SCTR: variants seen among roughly 807,000 people sequenced by gnomAD.
The protein encoded by SCTR is secretin receptor.
SCTR carries 56 observed loss-of-function variants against 60.8 expected under a neutral mutation model. The observed-to-expected ratio is 0.92, with a 90% CI of 0.74 to 1.15. The LOEUF (loss-of-function observed/expected upper bound fraction) is 1.15. Ranked by LOEUF, SCTR falls within the 50% of genes most tolerant of loss-of-function variation. SCTR has a pLI of 0.00. For missense variants in SCTR, 562 were observed against 550.4 expected (o/e 1.02, Z -0.21); for synonymous variants, 202 against 217.0 (o/e 0.93, Z 0.61).
intron 2 of SCTR, among the ~76,000 whole-genome samples, chr2:119,485,608 G>A (rs918377822): frequency 2.0e-5 from 3 of 152,194 alleles, no homozygotes; most frequent in South Asian, 4.1e-4. Flanking sequence ...CCCGGCCCCC[G>A]GGGCCATGCT....
chr2:119,451,635 C>T lies in SCTR; in HGVS notation c.921+375G>A, dbSNP rs532270200. Among the ~76,000 whole-genome samples the T allele has an allele frequency of 3.0e-4, 45 of 152,314 alleles. 1 individual carries two copies. The highest frequency in any genetic ancestry group is 1.1e-3 in the African/African-American group (44 of 41,576). ...CAGTGATCTCAGCTTAGCGACTCAT[C>T]CCAAGTTAACAAGCAAATCCCTAGA... On this transcript the variant is annotated intron_variant, in intron 9 of 12. Coordinates refer to ENST00000019103, the MANE Select transcript of SCTR (RefSeq NM_002980.3).
chr2:119,479,242 A>T, intron 2 of SCTR: 1 of 1,071,070 alleles, frequency 9.3e-7, no homozygotes, highest in East Asian at 6.8e-5. Context: ...CAGATGGCAC[A>T]TCTGTTGGCC....
intron 2 of SCTR, among the ~76,000 whole-genome samples, chr2:119,493,514 A>G (rs1451453355): frequency 6.6e-6 from 1 of 152,256 alleles, no homozygotes; most frequent in East Asian, 1.9e-4. Flanking sequence ...CTTAGTGCTT[A>G]AAGTGTTGAT....
intron 2 of SCTR, chr2:119,479,857 G>A (rs992388233): frequency 3.9e-5 from 6 of 152,282 alleles, no homozygotes; most frequent in East Asian, 1.9e-4. Context: ...AGCCAGATGC[G>A]TGGCCCACTT....
chr2:119,477,192 A>G (rs1677364547), intron 3 of SCTR, among the ~76,000 whole-genome samples: 1 of 152,204 alleles, frequency 6.6e-6, no homozygotes, highest in Admixed American at 6.5e-5. Flanking sequence ...ACATTTCCCC[A>G]GGTCCCTTGC....
At chr2:119,470,048 G>A (rs766379071) in intron 4 of SCTR, among the ~76,000 whole-genome samples, 1 of 152,208 alleles carries the variant, frequency 6.6e-6, no homozygotes, top group Non-Finnish European at 1.5e-5. Flanking sequence ...TCATGTAAAC[G>A]TAGCCTTACT....
rs538749660 is a variant in SCTR at position 119,468,580 on chromosome 2, A to G, written c.406-2694T>C. Among the ~76,000 whole-genome samples the G allele has an allele frequency of 2.0e-4, 31 of 152,372 alleles. No homozygotes were observed. In the East Asian group the frequency reaches 5.8e-3, roughly 28 times the overall value. On this transcript the variant is annotated intron_variant, in intron 4 of 12. Transcript: ENST00000019103. ...TTGGCATGTAGGAAACACTCAGTGT[A>G]TGGTAATTTTAATTTTTCCCCATCC...
intron 2 of SCTR, among the ~76,000 whole-genome samples, chr2:119,482,426 C>T (rs1677662044): frequency 6.6e-6 from 1 of 152,142 alleles, no homozygotes; most frequent in African/African-American, 2.4e-5. Context: ...CAACCATGAG[C>T]AAGGGTGTCG....
intron 3 of SCTR, among the ~76,000 whole-genome samples, chr2:119,476,160 C>G (rs1677290697): frequency 6.6e-6 from 1 of 152,244 alleles, no homozygotes; most frequent in African/African-American, 2.4e-5. Flanking sequence ...TTGGGGGCAC[C>G]ACCTAGGGAA....
intron 1 of SCTR, among the ~76,000 whole-genome samples, chr2:119,503,776 T>G (rs1447470716): frequency 1.3e-5 from 2 of 152,188 alleles, no homozygotes; most frequent in Admixed American, 1.3e-4. Flanking sequence ...ACACAAAGTT[T>G]ATTGTAAACT....
At chr2:119,507,768 T>C (rs1678793119) in intron 1 of SCTR, among the ~76,000 whole-genome samples, 1 of 143,166 alleles carries the variant, frequency 7.0e-6, no homozygotes, top group Non-Finnish European at 1.5e-5. Flanking sequence ...AACCTCTGCC[T>C]CCCAGGTTCA....
In SCTR at chr2:119,485,025, G is replaced by A. The variant is rs960786454; in HGVS notation, c.194-6107C>T. On this transcript the variant is annotated intron_variant, in intron 2 of 12. Transcript: ENST00000019103. ...CAGCCTTGCCGAGCCCATGCCTCCC[G>A]GCAAAGCACAGGAGGGGCCAGTGGC... 7.2e-5 allele frequency among the ~76,000 whole-genome samples: 11 copies of A among 152,260 alleles called. No individual in the cohort carries two copies. In the East Asian group the frequency reaches 1.2e-3, roughly 16 times the overall value.
chr2:119,514,241 G>A (rs1171518198), intron 1 of SCTR, among the ~76,000 whole-genome samples: 3 of 152,214 alleles, frequency 2.0e-5, no homozygotes, highest in Non-Finnish European at 4.4e-5. Context: ...TAGGCTGGGT[G>A]GTTTATGCTG....
intron 7 of SCTR, among the ~76,000 whole-genome samples, chr2:119,454,676 A>G (rs567978450): frequency 6.6e-6 from 1 of 152,180 alleles, no homozygotes; most frequent in East Asian, 1.9e-4. Flanking sequence ...CAACATGGCA[A>G]AACCCTGTCT....
chr2:119,506,872 A>G (rs1678757180), intron 1 of SCTR, among the ~76,000 whole-genome samples: 1 of 152,212 alleles, frequency 6.6e-6, no homozygotes, highest in African/African-American at 2.4e-5. Flanking sequence ...AAAAGTGGAA[A>G]TAACTATAAT....
chr2:119,459,223 G>T (rs1221055150), intron 7 of SCTR, among the ~76,000 whole-genome samples: 1 of 152,088 alleles, frequency 6.6e-6, no homozygotes, highest in Admixed American at 6.5e-5. Context: ...TATCTATGTG[G>T]TAGTTTAAAA....
chr2:119,483,477 G>A (rs538552947), intron 2 of SCTR, among the ~76,000 whole-genome samples: 8 of 152,154 alleles, frequency 5.3e-5, no homozygotes, highest in East Asian at 3.9e-4. Context: ...AGTGTTGATC[G>A]TTTCCTGAAC....
At chr2:119,448,597 C>T (rs1016051488) in intron 10 of SCTR, 92 bp downstream of exon 10, 23 of 760,992 alleles carry the variant, frequency 3.0e-5, no homozygotes, top group African/African-American at 2.4e-4. Context: ...ACGTTTCCTC[C>T]GTCTCCAATA....
chr2:119,511,694 C>T (rs1426421344), intron 1 of SCTR, among the ~76,000 whole-genome samples: 1 of 152,166 alleles, frequency 6.6e-6, no homozygotes, highest in African/African-American at 2.4e-5. Context: ...CTCCCTGTCT[C>T]CTGGCTGGGG....
Sources: allele counts gnomAD v4.1 joint callset (sites outside exome capture counted in the v4.1 genomes callset), GRCh38; gene constraint gnomAD v4.1.1; transcripts MANE v1.5; gene names NCBI Gene and HGNC (gene_info 2026-07-23, HGNC 2026-07-21).